NRXN3: variants seen among roughly 807,000 people sequenced by gnomAD.
The protein encoded by NRXN3 is neurexin 3, also known as neurexin III.
In NRXN3, 32 loss-of-function variants were observed where a neutral mutation model predicts 137.6. The observed-to-expected ratio is 0.23, with a 90% CI of 0.18 to 0.31. The LOEUF is 0.31. NRXN3 is among the 10% of genes least tolerant of loss of function. The pLI, the probability that NRXN3 is intolerant of heterozygous loss-of-function variation, is 1.00. For missense variants in NRXN3, 1,574 were observed against 2,062.5 expected (o/e 0.76, Z 4.59); for synonymous variants, 798 against 784.5 (o/e 1.02, Z -0.29).
chr14:79,727,928 G>A (rs989404452), intron 19 of NRXN3, among the ~76,000 whole-genome samples: 3 of 152,148 alleles, frequency 2.0e-5, no homozygotes, highest in South Asian at 4.1e-4. Flanking sequence ...GATGCAGAAA[G>A]CAATTCATTT....
intron 6 of NRXN3, among the ~76,000 whole-genome samples, chr14:78,707,319 A>G (rs2098361889): frequency 6.6e-6 from 1 of 152,242 alleles, no homozygotes. Flanking sequence ...TAAAGAAAAT[A>G]GGAAAATAGT....
intron 4 of NRXN3, among the ~76,000 whole-genome samples, chr14:78,487,670 A>T (rs535912903): frequency 6.6e-6 from 1 of 152,028 alleles, no homozygotes; most frequent in East Asian, 1.9e-4. Flanking sequence ...TGAACCCAGG[A>T]GGCAGAGGTT....
chr14:79,734,368 T>C (rs1413820632), intron 19 of NRXN3, among the ~76,000 whole-genome samples: 2 of 152,140 alleles, frequency 1.3e-5, no homozygotes, highest in East Asian at 1.9e-4. Context: ...ACATTTACAA[T>C]CCAGATGTCA....
At chr14:78,889,114 A>G (rs1205041879) in intron 10 of NRXN3, among the ~76,000 whole-genome samples, 2 of 152,018 alleles carry the variant, frequency 1.3e-5, no homozygotes, top group African/African-American at 4.8e-5. Flanking sequence ...ACATAGCAAG[A>G]TGCAGGACTA....
intron 8 of NRXN3, among the ~76,000 whole-genome samples, chr14:78,765,214 C>T (rs778543341): frequency 7.2e-5 from 11 of 152,026 alleles, no homozygotes; most frequent in Admixed American, 3.3e-4. Flanking sequence ...AGTGCAATGG[C>T]GCAATCTTGG....
chr14:78,475,958 T>C (rs909734130), intron 4 of NRXN3, among the ~76,000 whole-genome samples: 1 of 152,214 alleles, frequency 6.6e-6, no homozygotes, highest in Non-Finnish European at 1.5e-5. Context: ...ATATAGATAA[T>C]GGATAAGCAA....
chr14:79,369,703 C>G (rs957912380), intron 15 of NRXN3, among the ~76,000 whole-genome samples: 1 of 152,084 alleles, frequency 6.6e-6, no homozygotes, highest in Non-Finnish European at 1.5e-5. Context: ...ATTTCTGATC[C>G]TTCTCACTTT....
At chr14:78,462,952 A>G (rs1205910798) in intron 4 of NRXN3, among the ~76,000 whole-genome samples, 2 of 152,154 alleles carry the variant, frequency 1.3e-5, no homozygotes, top group Admixed American at 1.3e-4. Context: ...CATCACCTGA[A>G]CAGTGTACAC....
In NRXN3 at chr14:79,858,760, A is replaced by G. The variant is rs187147721; in HGVS notation, c.4094-2582A>G. Reference sequence around the variant, plus strand: ...TCCTCTCTCTCATCACTGCTCTCCTATTACTCAAACCTTGCCCTCTTTCAT... The same window carrying G: ...TCCTCTCTCTCATCACTGCTCTCCTGTTACTCAAACCTTGCCCTCTTTCAT... On this transcript the variant is annotated intron_variant, in intron 20 of 20. Coordinates refer to ENST00000335750, the MANE Select transcript of NRXN3 (RefSeq NM_001330195.2). Among the ~76,000 whole-genome samples, 319 of 152,136 alleles carry G rather than the reference A, an allele frequency of 2.1e-3. 1 individual carries two copies. Among genetic ancestry groups the G allele is most frequent in the Non-Finnish European group, 3.5e-3 (235 of 67,996 alleles).
At chr14:78,363,531 T>A (rs2085448439) in intron 4 of NRXN3, among the ~76,000 whole-genome samples, 1 of 152,188 alleles carries the variant, frequency 6.6e-6, no homozygotes. Flanking sequence ...CTGAGGCACA[T>A]ACAGGTTGAT....
chr14:79,042,977 G>A (rs2099627403), intron 15 of NRXN3, among the ~76,000 whole-genome samples: 1 of 151,678 alleles, frequency 6.6e-6, no homozygotes, highest in African/African-American at 2.4e-5. Context: ...TCTGCTCAGT[G>A]AGCAGCCCAA....
chr14:79,711,760 T>G (rs1262659725), intron 19 of NRXN3, among the ~76,000 whole-genome samples: 2 of 152,216 alleles, frequency 1.3e-5, no homozygotes, highest in East Asian at 1.9e-4. Context: ...TGAAGCCACC[T>G]TGCCCAACCA....
intron 19 of NRXN3, among the ~76,000 whole-genome samples, chr14:79,769,571 G>T (rs1302421724): frequency 1.3e-5 from 2 of 152,014 alleles, no homozygotes; most frequent in Non-Finnish European, 2.9e-5. Flanking sequence ...ACAAGCAAAT[G>T]CTGAGAGATT....
intron 8 of NRXN3, among the ~76,000 whole-genome samples, chr14:78,773,482 C>T (rs943359143): frequency 5.9e-5 from 9 of 152,190 alleles, no homozygotes; most frequent in African/African-American, 1.7e-4. Flanking sequence ...TTGGCCAAAT[C>T]TCCTACAGAA....
chr14:78,674,083 C>T (rs933451477), intron 6 of NRXN3, among the ~76,000 whole-genome samples: 5 of 152,244 alleles, frequency 3.3e-5, no homozygotes, highest in South Asian at 2.1e-4. Context: ...GTTTGCAGAC[C>T]GAACTGCCTA....
At chr14:78,773,207 T>C (rs575610046) in intron 8 of NRXN3, among the ~76,000 whole-genome samples, 52 of 152,236 alleles carry the variant, frequency 3.4e-4, no homozygotes, top group Non-Finnish European at 6.3e-4. Flanking sequence ...TGATGACTTA[T>C]TGCTATTCCC....
At chr14:79,738,047 T>G (rs981922410) in intron 19 of NRXN3, among the ~76,000 whole-genome samples, 2 of 152,170 alleles carry the variant, frequency 1.3e-5, no homozygotes, top group African/African-American at 4.8e-5. Context: ...CATCTTGACA[T>G]TCAAGATCCC....
At chr14:79,836,190 G>A (rs1398795026) in intron 20 of NRXN3, among the ~76,000 whole-genome samples, 1 of 152,158 alleles carries the variant, frequency 6.6e-6, no homozygotes, top group Non-Finnish European at 1.5e-5. Flanking sequence ...GGATTGTAAT[G>A]GTTCTGTGCA....
intron 16 of NRXN3, among the ~76,000 whole-genome samples, chr14:79,505,289 A>G (rs182699176): frequency 6.6e-6 from 1 of 151,830 alleles, no homozygotes; most frequent in African/African-American, 2.4e-5. Context: ...AACATAAAAG[A>G]TGTTTATCTC....
Sources: gnomAD v4.1 joint callset for allele counts (sites outside exome capture counted in the v4.1 genomes callset) on GRCh38, gnomAD v4.1.1 for gene constraint, MANE v1.5 for transcripts, NCBI Gene and HGNC (gene_info 2026-07-23, HGNC 2026-07-21) for gene names.